TRIM65: variants seen among roughly 807,000 people sequenced by gnomAD.
TRIM65 encodes the protein tripartite motif containing 65, also known as E3 ubiquitin-protein ligase TRIM65.
Under a neutral mutation model 36.1 loss-of-function variants are expected in TRIM65, and 46 were observed. The ratio of observed to expected loss-of-function variants is 1.27; its 90% CI spans 1.01 to 1.63. The LOEUF is 1.63. Among genes scored for constraint, TRIM65 ranks in the 40% most tolerant of loss-of-function variants. The pLI is 0.00. For missense variants in TRIM65, 708 were observed against 696.6 expected (o/e 1.02, Z -0.18); for synonymous variants, 346 against 313.6 (o/e 1.10, Z -1.09).
rs1242885425 is a variant in TRIM65, at chr17:75,892,675, T to C, written c.510+80A>G. The C allele has an allele frequency of 3.6e-6, 5 of 1,401,682 alleles. No homozygotes were observed. In the African/African-American group the frequency reaches 5.6e-5, roughly 16 times the overall value. 86.8% of individuals were successfully genotyped at this position (1,401,682 alleles called of 1,614,324 possible). On this transcript the variant is annotated intron_variant, in intron 2 of 5. Coordinates refer to ENST00000269383, the MANE Select transcript of TRIM65 (RefSeq NM_173547.4). ...CTGCTCAGCCCCGCTCCCTGCTGCC[T>C]GGTGTTCCAGGGACCAGCTGGTGGC...
chr17:75,882,999 C>A (rs1435577214), intron 4 of TRIM65, among the ~76,000 whole-genome samples: 21 of 147,392 alleles, frequency 1.4e-4, no homozygotes, highest in Admixed American at 4.0e-4. Flanking sequence ...AAAACAAAAA[C>A]AAAAAGCAAT....
downstream of TRIM65, among the ~76,000 whole-genome samples, chr17:75,888,207 G>A (rs935615671): frequency 5.4e-5 from 8 of 147,314 alleles, no homozygotes; most frequent in Non-Finnish European, 7.5e-5. Context: ...ATAAATATTA[G>A]TCGGGTGTGG....
chr17:75,884,949 T>C (rs2065196221), downstream of TRIM65, among the ~76,000 whole-genome samples: 5 of 150,840 alleles, frequency 3.3e-5, no homozygotes, highest in Non-Finnish European at 7.4e-5. Flanking sequence ...TTTTTTTTTT[T>C]TTTTTGAGAC....
Position 75,889,817 on chromosome 17 carries a change from G to GC in TRIM65, c.*961_*962insG, listed in dbSNP as rs1371606290. The GC allele has an allele frequency of 6.6e-6, 1 of 152,140 alleles. No individual in the cohort carries two copies. The highest frequency in any genetic ancestry group is 1.9e-4 in the East Asian group (1 of 5,202). 9.4% of individuals were successfully genotyped at this position (152,140 alleles called of 1,614,324 possible). On this transcript the variant is annotated 3_prime_UTR_variant, in exon 6 of 6. Coordinates refer to ENST00000269383, the MANE Select transcript of TRIM65 (RefSeq NM_173547.4). Reference sequence around the variant, plus strand: ...AAATATTCATCATAAGCCAGGCGTGGTGGCATACACCTGTAATCCCAGCTA... The same window carrying GC: ...AAATATTCATCATAAGCCAGGCGTGGCTGGCATACACCTGTAATCCCAGCTA...
In TRIM65 at chr17:75,892,054, G is replaced by A; in HGVS notation, c.876C>T (p.Ser292=). Residue 292 remains serine, a synonymous_variant, in exon 4 of 6, where the codon AGC becomes AGT. Coordinates refer to ENST00000269383, the MANE Select transcript of TRIM65 (RefSeq NM_173547.4). ...RLCGLLLEEG[S]HPGAPAKPVD... ...CAGGCTTGGCTGGTGCCCCAGGGTG[G>A]CTCCCCTCTTCCAAGAGGAGGCCAC... The A allele has an allele frequency of 6.4e-7, 1 of 1,551,690 alleles. No individual in the cohort carries two copies. Among genetic ancestry groups the A allele is most frequent in the Non-Finnish European group, 8.7e-7 (1 of 1,147,080 alleles).
rs1386547216 is a variant in TRIM65, at chr17:75,890,998, C to T, written c.1335G>A (p.Gly445=). 1.9e-6 allele frequency: 3 copies of T among 1,591,128 alleles called. No individual in the cohort carries two copies. Among genetic ancestry groups the T allele is most frequent in the East Asian group, 4.6e-5 (2 of 43,126 alleles). ...WHNGEAQRLP[G]VSGRLLGMDL... ...CCATGCCCAGGAGCCGCCCTGACAC[C>T]CCTGGGAGGCGCTGGGCTTCCCCGT... Residue 445 remains glycine (G), a synonymous_variant, in exon 6 of 6, where the codon GGG becomes GGA. Coordinates refer to ENST00000269383, the MANE Select transcript of TRIM65 (RefSeq NM_173547.4).
chr17:75,891,802 G>A lies in TRIM65; in HGVS notation c.985+11C>T, dbSNP rs778221846. ...CACACAGGGGCACACATACACGAAC[G>A]GCCTCCTTACTCTGCCAGAGTTTCC... On this transcript the variant is annotated intron_variant, in intron 5 of 5. Coordinates refer to ENST00000269383, the MANE Select transcript of TRIM65 (RefSeq NM_173547.4). The A allele has an allele frequency of 1.5e-5, 24 of 1,607,010 alleles. No homozygotes were observed. Among genetic ancestry groups the A allele is most frequent in the East Asian group, 2.2e-5 (1 of 44,604 alleles).
chr17:75,896,874 G>A lies in TRIM65; in HGVS notation c.64C>T (p.Pro22Ser). 6.5e-7 allele frequency: 1 copy of A among 1,531,098 alleles called. No individual in the cohort carries two copies. The highest frequency in any genetic ancestry group is 2.0e-5 in the Admixed American group (1 of 49,764). The allele number at this position is 1,531,098 out of a possible 1,614,324, so 94.8% of individuals were successfully genotyped here. A position where few individuals can be genotyped will look rare whatever the true frequency, so the allele number is the denominator to read the frequency against. Residue 22 changes from proline to serine, a missense_variant, in exon 1 of 6, where the codon CCA becomes TCA. Coordinates refer to ENST00000269383, the MANE Select transcript of TRIM65 (RefSeq NM_173547.4). Reference sequence around the variant, plus strand: ...TTGTGGCCGCAGGGCAGCGTCACTGGGTCCTGGTAGAGCCCCAGGCAGATG... The same window carrying A: ...TTGTGGCCGCAGGGCAGCGTCACTGAGTCCTGGTAGAGCCCCAGGCAGATG... ...CAICLGLYQD[P>S]VTLPCGHNFC...
Position 75,891,101 on chromosome 17 carries a change from G to A in TRIM65, c.1232C>T (p.Pro411Leu). ...YPQLPRCRLG[P>L]HTDNIGRGPC... Reference sequence around the variant, plus strand: ...TCCCCGGCCAATGTTGTCTGTGTGGGGCCCCAGCCTGCACCGTGGCAGTTG... The same window carrying A: ...TCCCCGGCCAATGTTGTCTGTGTGGAGCCCCAGCCTGCACCGTGGCAGTTG... The change falls in exon 6 of 6, where the codon CCC becomes CTC. Residue 411 changes from proline (P) to leucine (L), a missense_variant. Coordinates refer to ENST00000269383, the MANE Select transcript of TRIM65 (RefSeq NM_173547.4). The A allele has an allele frequency of 6.2e-7, 1 of 1,610,000 alleles. No individual in the cohort carries two copies. The highest frequency in any genetic ancestry group is 8.5e-7 in the Non-Finnish European group (1 of 1,179,874).
rs1360105014 is a variant in TRIM65, at chr17:75,890,808, G to C, written c.1525C>G (p.Leu509Val). 1.2e-5 allele frequency: 18 copies of C among 1,503,852 alleles called. No homozygotes were observed. The highest frequency in any genetic ancestry group is 1.6e-5 in the Non-Finnish European group (18 of 1,127,976). The allele number at this position is 1,503,852 out of a possible 1,614,324, so 93.2% of individuals were successfully genotyped here. Residue 509 changes from leucine (L) to valine (V), a missense_variant, in exon 6 of 6, where the codon CTG (leucine) becomes GTG (valine). Leu to Val is a conservative substitution (Grantham distance 32). Coordinates refer to ENST00000269383, the MANE Select transcript of TRIM65 (RefSeq NM_173547.4). ...LCHQPGAVFP[L>V]GPQEEVLS ...CTGAGCACCTCTTCCTGGGGCCCCAGAGGGAACACAGCCCCTGGCTGATGG... is the reference window on the plus strand; with the variant it reads ...CTGAGCACCTCTTCCTGGGGCCCCACAGGGAACACAGCCCCTGGCTGATGG...
At position 75,896,942 on chromosome 17, in the gene TRIM65, C is replaced by A. The variant is rs1041922069; in HGVS notation, c.-5G>T. On this transcript the variant is annotated 5_prime_UTR_variant, in exon 1 of 6. Coordinates refer to ENST00000269383, the MANE Select transcript of TRIM65 (RefSeq NM_173547.4). ...CTCCAGCAGCTGCGCGGCCATGGCC[C>A]GGCGGCGGCGAGAGCCAGGCGGGCC... The A allele has an allele frequency of 4.0e-6, 6 of 1,486,908 alleles. No individual in the cohort carries two copies. The highest frequency in any genetic ancestry group is 1.5e-5 in the African/African-American group (1 of 68,684). 92.1% of individuals were successfully genotyped at this position (1,486,908 alleles called of 1,614,324 possible).
chr17:75,891,428 C>T (rs2065265369), intron 5 of TRIM65, 81 bp from the exon 6 acceptor site: 1 of 1,463,186 alleles, frequency 6.8e-7, no homozygotes, highest in South Asian at 1.2e-5. Flanking sequence ...TAAACCTCCG[C>T]CAGGCACGCT....
At chr17:75,894,459 CT>C (rs2065317497) in intron 1 of TRIM65, among the ~76,000 whole-genome samples, 1 of 152,206 alleles carries the variant, frequency 6.6e-6, no homozygotes, top group Non-Finnish European at 1.5e-5. Context: ...CCTGGCACCC[CT>C]GTCTCCAGGT....
intron 5 of TRIM65, 66 bp from the exon 6 acceptor site, chr17:75,891,413 G>T: frequency 6.5e-7 from 1 of 1,548,640 alleles, no homozygotes; most frequent in Non-Finnish European, 8.8e-7. Flanking sequence ...CCATTTATCC[G>T]CTGCTAAACC....
downstream of TRIM65, among the ~76,000 whole-genome samples, chr17:75,886,540 A>C (rs1048978325): frequency 6.6e-6 from 1 of 151,538 alleles, no homozygotes; most frequent in Non-Finnish European, 1.5e-5. Context: ...AAAAAAAAAA[A>C]AACCAAAAAC....
chr17:75,882,689 A>T (rs1315810926), intron 4 of TRIM65, among the ~76,000 whole-genome samples: 43 of 150,706 alleles, frequency 2.9e-4, no homozygotes, highest in Admixed American at 2.3e-3. Flanking sequence ...AAAGGATGGC[A>T]ACTGGAATTC....
intron 4 of TRIM65, among the ~76,000 whole-genome samples, chr17:75,883,120 C>G (rs536119599): frequency 1.3e-4 from 18 of 135,992 alleles, no homozygotes; most frequent in Non-Finnish European, 2.7e-4. Context: ...TTTCTTTATG[C>G]TTTTTTTTTT....
intron 2 of TRIM65, 62 bp downstream of exon 2, chr17:75,892,693 C>T (rs55790130): frequency 3.3e-6 from 5 of 1,493,894 alleles, no homozygotes; most frequent in Non-Finnish European, 3.7e-6. Flanking sequence ...CAGGGACCAG[C>T]TGGTGGCCGC....
At chr17:75,886,470 C>T (rs952406561), downstream of TRIM65, among the ~76,000 whole-genome samples, 57 of 143,350 alleles carry the variant, frequency 4.0e-4, no homozygotes, top group Non-Finnish European at 7.5e-4. Context: ...TGCAGTGAGC[C>T]GAGATTGTGC....
Sources: allele counts gnomAD v4.1 joint callset (sites outside exome capture counted in the v4.1 genomes callset), GRCh38; gene constraint gnomAD v4.1.1; transcripts MANE v1.5; gene names NCBI Gene and HGNC (gene_info 2026-07-23, HGNC 2026-07-21).